SLC4A10: variants seen among roughly 807,000 people sequenced by gnomAD.
SLC4A10 encodes the protein sodium-driven chloride bicarbonate exchanger.
In SLC4A10, 42 loss-of-function variants were observed where a neutral mutation model predicts 137.7. That is an observed-to-expected ratio of 0.30 (90% CI 0.24 to 0.39). The LOEUF (loss-of-function observed/expected upper bound fraction) is 0.39, where lower values mean the gene tolerates loss of function less well. Ranked by LOEUF, SLC4A10 falls within the 10% of genes least tolerant of loss-of-function variation. SLC4A10 has a pLI of 1.00. For missense variants in SLC4A10, 925 were observed against 1,355.0 expected, an observed-to-expected ratio of 0.68 and a Z score of 4.98; for synonymous variants, 474 against 464.1, an observed-to-expected ratio of 1.02 and a Z score of -0.27.
chr2:161,631,585 A>C (rs62187658), intron 1 of SLC4A10, among the ~76,000 whole-genome samples: 11,121 of 151,674 alleles, frequency 0.073, 509 homozygotes, highest in East Asian at 0.14. Flanking sequence ...AGTTAAGAGA[A>C]TATATGGTGC....
At chr2:161,747,083 T>A (rs954894906) in intron 1 of SLC4A10, among the ~76,000 whole-genome samples, 5 of 152,046 alleles carry the variant, frequency 3.3e-5, no homozygotes, top group Non-Finnish European at 7.4e-5. Flanking sequence ...GTGGGTTACA[T>A]GCACCCCAAA....
At chr2:161,666,931 G>A (rs565879389) in intron 1 of SLC4A10, among the ~76,000 whole-genome samples, 1 of 151,644 alleles carries the variant, frequency 6.6e-6, no homozygotes, top group South Asian at 2.1e-4. Flanking sequence ...TGACACTATT[G>A]GGTGGGTCTA....
At chr2:161,718,721 G>T (rs1260371711) in intron 1 of SLC4A10, among the ~76,000 whole-genome samples, 1 of 152,138 alleles carries the variant, frequency 6.6e-6, no homozygotes, top group African/African-American at 2.4e-5. Context: ...CCACTTATGT[G>T]ATCAGTTTTA....
chr2:161,670,365 G>A (rs1196012508), intron 1 of SLC4A10, among the ~76,000 whole-genome samples: 2 of 151,506 alleles, frequency 1.3e-5, no homozygotes, highest in African/African-American at 4.9e-5. Context: ...TGGATATAAG[G>A]GGAGGCAATT....
At chr2:161,865,501 C>T (rs1050878603) in intron 6 of SLC4A10, among the ~76,000 whole-genome samples, 4 of 152,018 alleles carry the variant, frequency 2.6e-5, no homozygotes, top group Non-Finnish European at 5.9e-5. Flanking sequence ...GGAAACATTT[C>T]TAATAAGATT....
intron 2 of SLC4A10, among the ~76,000 whole-genome samples, chr2:161,773,138 A>G (rs1319046553): frequency 1.3e-5 from 2 of 151,938 alleles, no homozygotes; most frequent in Non-Finnish European, 2.9e-5. Flanking sequence ...TGGGAAGTCC[A>G]CGATTGGGAG....
At chr2:161,687,307 C>T (rs4521055) in intron 1 of SLC4A10, among the ~76,000 whole-genome samples, 139,631 of 152,282 alleles carry the variant, frequency 0.92, 64,096 homozygotes, top group East Asian at 1. Flanking sequence ...AAAATATATG[C>T]AGTGGCATTC....
chr2:161,854,579 C>T (rs1208444777), intron 4 of SLC4A10, among the ~76,000 whole-genome samples: 2 of 152,092 alleles, frequency 1.3e-5, no homozygotes, highest in African/African-American at 4.8e-5. Context: ...TTAAGACCTC[C>T]CACTAAGGAA....
At position 161,684,936 on chromosome 2, in the gene SLC4A10, G is replaced by A. The variant is rs546563593; in HGVS notation, c.48+60370G>A. Among the ~76,000 whole-genome samples the A allele has an allele frequency of 2.0e-5, 3 of 152,156 alleles. No individual in the cohort carries two copies. The South Asian group carries it at 6.2e-4, about 32-fold the overall frequency. ...TGCTGATTCTGAGGTTCAAAAAGAG[G>A]CTGGTTAGGGGGTCAGATGATGTGT... is the stretch of plus-strand genomic sequence containing the variant. On this transcript the variant is annotated intron_variant, in intron 1 of 26. Transcript: ENST00000446997.
chr2:161,908,107 A>G (rs1466111792), intron 15 of SLC4A10, among the ~76,000 whole-genome samples: 1 of 152,154 alleles, frequency 6.6e-6, no homozygotes, highest in African/African-American at 2.4e-5. Flanking sequence ...CTAAAGTAGA[A>G]TGAGAAAAAT....
intron 1 of SLC4A10, among the ~76,000 whole-genome samples, chr2:161,711,687 T>C (rs2044303851): frequency 6.6e-6 from 1 of 151,766 alleles, no homozygotes; most frequent in Admixed American, 6.6e-5. Context: ...AGAAAATTGA[T>C]TTGCAAATTC....
chr2:161,625,149 T>C (rs2032044581), intron 1 of SLC4A10, among the ~76,000 whole-genome samples: 1 of 151,226 alleles, frequency 6.6e-6, no homozygotes, highest in Admixed American at 6.6e-5. Flanking sequence ...GTCATGGTTT[T>C]TGTACAAAGA....
At chr2:161,656,676 G>T (rs572792200) in intron 1 of SLC4A10, among the ~76,000 whole-genome samples, 2 of 152,200 alleles carry the variant, frequency 1.3e-5, no homozygotes, top group Non-Finnish European at 2.9e-5. Context: ...AATGTTTCGT[G>T]CCTGAGTCAC....
chr2:161,841,131 G>A (rs1013828334), intron 4 of SLC4A10, among the ~76,000 whole-genome samples: 55 of 152,206 alleles, frequency 3.6e-4, no homozygotes, highest in African/African-American at 9.9e-4. Flanking sequence ...AGGGTGGAGT[G>A]CAGTGACGAG....
intron 15 of SLC4A10, among the ~76,000 whole-genome samples, chr2:161,926,330 GTTGGTTTAAAGTCTGTT>G (rs1689074569): frequency 1.7e-5 from 2 of 118,348 alleles, no homozygotes; most frequent in Admixed American, 8.7e-5. Context: ...TTTGATCTTT[GTTGGTTTAAAGTCTGTT>G]TTATCAGAGA....
At chr2:161,805,124 T>A (rs1223885448) in intron 3 of SLC4A10, among the ~76,000 whole-genome samples, 1 of 152,154 alleles carries the variant, frequency 6.6e-6, no homozygotes, top group Non-Finnish European at 1.5e-5. Context: ...ATGTCTTACA[T>A]GGGTGGCAGC....
At chr2:161,835,483 G>A (rs958524648) in intron 3 of SLC4A10, among the ~76,000 whole-genome samples, 5 of 151,246 alleles carry the variant, frequency 3.3e-5, no homozygotes, top group East Asian at 3.9e-4. Flanking sequence ...AGACGATTTC[G>A]GAGAGAACTC....
intron 1 of SLC4A10, among the ~76,000 whole-genome samples, chr2:161,749,643 G>A (rs2048747320): frequency 6.6e-6 from 1 of 151,840 alleles, no homozygotes; most frequent in Non-Finnish European, 1.5e-5. Flanking sequence ...TTTTTGATGT[G>A]TCACTGAGTT....
chr2:161,840,076 G>T lies in SLC4A10; in HGVS notation c.416+149G>T, dbSNP rs1003942989. 8.8e-6 allele frequency: 8 copies of T among 904,186 alleles called. No homozygotes were observed. The African/African-American group carries it at 1.3e-4, about 15-fold the overall frequency. The allele number at this position is 904,186 out of a possible 1,614,324, so 56.0% of individuals were successfully genotyped here. ...CTAGCCTGAGCATATCCTATAACGGGATATGGGTCAGAAAGAAATCTGAAG... is the reference window on the plus strand; with the variant it reads ...CTAGCCTGAGCATATCCTATAACGGTATATGGGTCAGAAAGAAATCTGAAG... On this transcript the variant is annotated intron_variant, in intron 4 of 26. Coordinates refer to ENST00000446997, the MANE Select transcript of SLC4A10 (RefSeq NM_001178015.2).
Sources: allele counts gnomAD v4.1 joint callset (sites outside exome capture counted in the v4.1 genomes callset), GRCh38; gene constraint gnomAD v4.1.1; transcripts MANE v1.5; gene names NCBI Gene and HGNC (gene_info 2026-07-23, HGNC 2026-07-21).